NPFFR2: variants seen among roughly 807,000 people sequenced by gnomAD.
NPFFR2 encodes G-protein coupled receptor 74.
NPFFR2 carries 15 observed loss-of-function variants against 13.1 expected under a neutral mutation model. The ratio of observed to expected loss-of-function variants is 1.15; its 90% CI spans 0.77 to 1.76. The LOEUF is 1.76. Ranked by LOEUF, NPFFR2 falls within the 40% of genes most tolerant of loss-of-function variation. The pLI, the probability that NPFFR2 is intolerant of heterozygous loss-of-function variation, is 0.00. For synonymous variants in NPFFR2, 190 were observed against 175.7 expected, an observed-to-expected ratio of 1.08 and a Z score of -0.65; for missense variants, 572 against 503.5, an observed-to-expected ratio of 1.14 and a Z score of -1.30.
intron 1 of NPFFR2, among the ~76,000 whole-genome samples, chr4:72,090,756 G>T (rs1183607130): frequency 1.3e-5 from 2 of 151,918 alleles, no homozygotes; most frequent in Non-Finnish European, 2.9e-5. Flanking sequence ...TTAGGTACAC[G>T]ATCATATCAT....
intron 1 of NPFFR2, among the ~76,000 whole-genome samples, chr4:72,061,173 G>T (rs967977748): frequency 4.6e-5 from 7 of 152,132 alleles, no homozygotes; most frequent in Admixed American, 3.9e-4. Context: ...GTCATGATTT[G>T]CAAAGCACCT....
At position 72,147,808 on chromosome 4, in the gene NPFFR2, T is replaced by C; in HGVS notation, c.1259T>C (p.Ile420Thr). The C allele has an allele frequency of 6.4e-7, 1 of 1,556,862 alleles. No homozygotes were observed. The highest frequency in any genetic ancestry group is 2.1e-5 in the Admixed American group (1 of 47,600). ...AAAGAAACTACTAACAGCAGTGAGA[T>C]TTAAAAAGAGCTAGTGTGATAATCC... Reference protein sequence around the residue: ...ELKETTNSSEI With the variant: ...ELKETTNSSET The change falls in exon 4 of 4, where the codon ATT becomes ACT. Residue 420 changes from isoleucine to threonine, a missense_variant. Transcript: ENST00000308744.
intron 2 of NPFFR2, among the ~76,000 whole-genome samples, chr4:72,136,741 T>G (rs12650900): frequency 1.3e-5 from 2 of 152,166 alleles, no homozygotes; most frequent in Non-Finnish European, 2.9e-5. Context: ...CCGCACCTGG[T>G]GACTCGGGGT....
chr4:72,040,334 C>T (rs558220216), intron 1 of NPFFR2, among the ~76,000 whole-genome samples: 13 of 152,028 alleles, frequency 8.6e-5, no homozygotes, highest in Non-Finnish European at 1.6e-4. Flanking sequence ...AAACACATGC[C>T]ATAAATAGTG....
chr4:72,039,045 G>GCGCCTGCCATGC (rs1719124894), intron 1 of NPFFR2: 1 of 70,326 alleles, frequency 1.4e-5, no homozygotes, highest in African/African-American at 5.0e-5. Flanking sequence ...GCTGGGACTG[G>GCGCCTGCCATGC]CGCCTGGGTT....
intron 1 of NPFFR2, among the ~76,000 whole-genome samples, chr4:72,092,747 C>T (rs1267702314): frequency 6.6e-6 from 1 of 152,076 alleles, no homozygotes; most frequent in Non-Finnish European, 1.5e-5. Flanking sequence ...CCAGGTGAGT[C>T]TCTTGAAGAT....
intron 1 of NPFFR2, among the ~76,000 whole-genome samples, chr4:72,059,320 A>G (rs1049202120): frequency 2.6e-5 from 4 of 152,048 alleles, no homozygotes; most frequent in Non-Finnish European, 5.9e-5. Flanking sequence ...GTATACTACT[A>G]TCTCTGCACA....
chr4:72,054,096 T>A (rs1719670743), intron 1 of NPFFR2, among the ~76,000 whole-genome samples: 1 of 151,958 alleles, frequency 6.6e-6, no homozygotes, highest in Non-Finnish European at 1.5e-5. Flanking sequence ...AATCTATAGA[T>A]TCAATCCAAC....
chr4:72,046,373 A>G (rs944365276), intron 1 of NPFFR2, among the ~76,000 whole-genome samples: 1 of 152,134 alleles, frequency 6.6e-6, no homozygotes, highest in African/African-American at 2.4e-5. Context: ...TGGGCTAGTT[A>G]TTACAGGAGT....
Position 72,089,449 on chromosome 4 carries a change from T to TA in NPFFR2, c.-7-39133dup, listed in dbSNP as rs533183318. 1.3e-3 allele frequency among the ~76,000 whole-genome samples: 202 copies of TA among 152,278 alleles called. 1 individual carries two copies. The highest frequency in any genetic ancestry group is 4.3e-3 in the African/African-American group (178 of 41,592). On this transcript the variant is annotated intron_variant, in intron 1 of 3. Coordinates refer to ENST00000308744, the MANE Select transcript of NPFFR2 (RefSeq NM_004885.3). ...TAGGTTACATTCCCACCAACAGTGT[T>TA]AAAGTGTTCCCTTTTCATCACATTC...
chr4:72,141,947 A>G (rs903491771), intron 3 of NPFFR2, among the ~76,000 whole-genome samples: 5 of 152,024 alleles, frequency 3.3e-5, no homozygotes, highest in Non-Finnish European at 5.9e-5. Context: ...GTGCTCCTGT[A>G]TTGGGTGCAT....
intron 1 of NPFFR2, among the ~76,000 whole-genome samples, chr4:72,119,194 C>T (rs1721797113): frequency 6.6e-6 from 1 of 151,900 alleles, no homozygotes; most frequent in Admixed American, 6.6e-5. Context: ...TTTTTTTGTA[C>T]CAAAATTTCC....
chr4:72,067,152 A>C (rs923393231), intron 1 of NPFFR2, among the ~76,000 whole-genome samples: 1 of 151,744 alleles, frequency 6.6e-6, no homozygotes, highest in Non-Finnish European at 1.5e-5. Context: ...AGCCTGTTGA[A>C]TTAGCATCGT....
At chr4:72,116,843 CT>C (rs546420578) in intron 1 of NPFFR2, among the ~76,000 whole-genome samples, 46 of 152,166 alleles carry the variant, frequency 3.0e-4, no homozygotes, top group African/African-American at 1.1e-3. Flanking sequence ...TGTGTTGTAT[CT>C]TCTTTTCAGT....
chr4:72,054,158 G>A (rs1719672570), intron 1 of NPFFR2, among the ~76,000 whole-genome samples: 1 of 151,742 alleles, frequency 6.6e-6, no homozygotes. Context: ...TAATGTATAT[G>A]GAAAAGCAAA....
In NPFFR2 at chr4:72,109,983, T is replaced by C. The variant is rs77312534; in HGVS notation, c.-7-18602T>C. Among the ~76,000 whole-genome samples, 731 of 152,070 alleles carry C rather than the reference T, an allele frequency of 4.8e-3. 2 individuals carry two copies. Among genetic ancestry groups the C allele is most frequent in the Middle Eastern group, 0.01 (3 of 294 alleles). ...GACACAGAACATGCAGCAATTAACC[T>C]GGAAAAGTCTGCTGAGGGCTTTATT... On this transcript the variant is annotated intron_variant, in intron 1 of 3. Transcript: ENST00000308744.
intron 1 of NPFFR2, among the ~76,000 whole-genome samples, chr4:72,106,290 G>A (rs28449762): frequency 5.0e-3 from 753 of 152,052 alleles, no homozygotes; most frequent in Middle Eastern, 0.014. Flanking sequence ...GGTGTCACTC[G>A]CCAACTGACA....
Position 72,032,117 on chromosome 4 carries a change from G to C in NPFFR2, c.-91G>C, listed in dbSNP as rs1322818939. ...GCCGGCAGACTGCGAAAAGTAGCTGGAGCCGGAGCAGGGACAGAACCTGTT... is the reference window on the plus strand; with the variant it reads ...GCCGGCAGACTGCGAAAAGTAGCTGCAGCCGGAGCAGGGACAGAACCTGTT... On this transcript the variant is annotated 5_prime_UTR_variant, in exon 1 of 4. Coordinates refer to ENST00000308744, the MANE Select transcript of NPFFR2 (RefSeq NM_004885.3). 1 of 1,614,032 alleles carries C rather than the reference G, an allele frequency of 6.2e-7. No homozygotes were observed. Among genetic ancestry groups the C allele is most frequent in the African/African-American group, 1.3e-5 (1 of 74,942 alleles).
At chr4:72,126,661 G>A (rs953091140) in intron 1 of NPFFR2, among the ~76,000 whole-genome samples, 1 of 152,158 alleles carries the variant, frequency 6.6e-6, no homozygotes, top group African/African-American at 2.4e-5. Context: ...TGGGAGTCTG[G>A]AATTTTGATA....
Sources: allele counts gnomAD v4.1 joint callset (sites outside exome capture counted in the v4.1 genomes callset), GRCh38; gene constraint gnomAD v4.1.1; transcripts MANE v1.5; gene names NCBI Gene and HGNC (gene_info 2026-07-23, HGNC 2026-07-21).